The following AFF1 variants were observed in gnomAD, a reference collection of about 807,000 sequenced individuals.
AFF1 encodes ALF transcription elongation factor 1.
AFF1 carries 48 observed loss-of-function variants against 121.7 expected under a neutral mutation model. The ratio of observed to expected loss-of-function variants is 0.39; its 90% CI spans 0.31 to 0.50. AFF1 has a LOEUF of 0.50. AFF1 is among the 20% of genes least tolerant of loss of function. The pLI, the probability that AFF1 is intolerant of heterozygous loss-of-function variation, is 0.76. For missense variants in AFF1, 1,523 were observed against 1,511.7 expected, an observed-to-expected ratio of 1.01 and a Z score of -0.12; for synonymous variants, 613 against 563.0, an observed-to-expected ratio of 1.09 and a Z score of -1.26.
chr4:86,955,327 A>G (rs924649822), intron 2 of AFF1, among the ~76,000 whole-genome samples: 8 of 152,254 alleles, frequency 5.3e-5, no homozygotes, highest in Non-Finnish European at 1.0e-4. Context: ...ACTATCATTA[A>G]CTGAATAAAT....
At chr4:86,984,428 G>C (rs1363999046) in intron 2 of AFF1, among the ~76,000 whole-genome samples, 1 of 150,732 alleles carries the variant, frequency 6.6e-6, no homozygotes, top group Admixed American at 6.7e-5. Context: ...CTGGATTCAA[G>C]CAATTCTGCT....
At chr4:87,064,569 G>A (rs72877984) in intron 4 of AFF1, among the ~76,000 whole-genome samples, 65,875 of 151,968 alleles carry the variant, frequency 0.43, 15,014 homozygotes, top group African/African-American at 0.58. Flanking sequence ...TGGTGAGACT[G>A]TCTCTACAAA....
chr4:87,080,858 A>G (rs936010495), intron 4 of AFF1, among the ~76,000 whole-genome samples: 2 of 152,172 alleles, frequency 1.3e-5, no homozygotes, highest in Middle Eastern at 3.2e-3. Flanking sequence ...GGGTGGCGAG[A>G]AGAGTGAAGA....
intron 4 of AFF1, among the ~76,000 whole-genome samples, chr4:87,080,881 G>T (rs1014441849): frequency 2.6e-5 from 4 of 152,170 alleles, no homozygotes; most frequent in African/African-American, 9.7e-5. Flanking sequence ...TGAGTCTCAG[G>T]TAGATGGAAC....
chr4:87,065,784 A>G (rs1721289974), intron 4 of AFF1, among the ~76,000 whole-genome samples: 1 of 80,758 alleles, frequency 1.2e-5, no homozygotes, highest in Admixed American at 1.1e-4. Flanking sequence ...TTGAGAATTA[A>G]ATTTTGCCCA....
Position 87,033,835 on chromosome 4 carries a change from A to G in AFF1, c.39-12331A>G, listed in dbSNP as rs1288340164. Among the ~76,000 whole-genome samples the G allele has an allele frequency of 2.6e-5, 4 of 152,166 alleles. No individual in the cohort carries two copies. The East Asian group carries it at 7.7e-4, about 29-fold the overall frequency. The stretch of plus-strand genomic sequence containing the variant: ...TGTTATTATTAAATGGTTAACTTCA[A>G]AATTTATTTAAAAAAACTATTGAGT... On this transcript the variant is annotated intron_variant, in intron 2 of 20. Coordinates refer to ENST00000395146, the MANE Select transcript of AFF1 (RefSeq NM_001166693.3).
intron 4 of AFF1, among the ~76,000 whole-genome samples, chr4:87,048,328 A>C (rs1730933866): frequency 6.6e-6 from 1 of 152,176 alleles, no homozygotes. Flanking sequence ...AAAACCAAGA[A>C]AAAAAATATT....
At chr4:86,944,174 G>A (rs980115939) in intron 1 of AFF1, among the ~76,000 whole-genome samples, 2 of 148,426 alleles carry the variant, frequency 1.3e-5, no homozygotes, top group African/African-American at 5.0e-5. Flanking sequence ...GTCTTCCCTA[G>A]TGTGTGGAAT....
intron 4 of AFF1, among the ~76,000 whole-genome samples, chr4:87,071,008 G>A (rs1349290160): frequency 6.6e-6 from 1 of 152,186 alleles, no homozygotes; most frequent in East Asian, 1.9e-4. Flanking sequence ...CAGTGAGAAA[G>A]GAAGAAGAAC....
intron 2 of AFF1, among the ~76,000 whole-genome samples, chr4:86,983,342 C>T (rs894245680): frequency 6.6e-6 from 1 of 152,082 alleles, no homozygotes; most frequent in Non-Finnish European, 1.5e-5. Flanking sequence ...GCCTGACCAA[C>T]ATGGAGAAAC....
intron 4 of AFF1, among the ~76,000 whole-genome samples, chr4:87,050,850 A>C (rs1207350375): frequency 6.6e-6 from 1 of 152,192 alleles, no homozygotes; most frequent in Non-Finnish European, 1.5e-5. Flanking sequence ...CAATTGGAAG[A>C]TTGAGATTTC....
intron 2 of AFF1, among the ~76,000 whole-genome samples, chr4:86,971,590 G>A (rs1438761352): frequency 6.6e-6 from 1 of 152,190 alleles, no homozygotes; most frequent in Admixed American, 6.5e-5. Flanking sequence ...GTAAATTAGA[G>A]TTTGCTTTAT....
intron 2 of AFF1, among the ~76,000 whole-genome samples, chr4:86,957,538 G>A (rs1371995124): frequency 1.3e-5 from 2 of 151,916 alleles, no homozygotes; most frequent in African/African-American, 4.8e-5. Context: ...TTTTTGGTTG[G>A]AAATTTTTTT....
chr4:87,013,389 A>G (rs2149541952), intron 2 of AFF1, among the ~76,000 whole-genome samples: 1 of 152,088 alleles, frequency 6.6e-6, no homozygotes, highest in South Asian at 2.1e-4. Flanking sequence ...TAATTTGGTG[A>G]CAGATTTAAT....
In AFF1 at chr4:87,084,116, T is replaced by C; in HGVS notation, c.1060-4T>C. 6.2e-7 allele frequency: 1 copy of C among 1,613,904 alleles called. No individual in the cohort carries two copies. The highest frequency in any genetic ancestry group is 8.5e-7 in the Non-Finnish European group (1 of 1,179,800). On this transcript the variant is annotated splice_region_variant and splice_polypyrimidine_tract_variant and intron_variant, in intron 4 of 20. Coordinates refer to ENST00000395146, the MANE Select transcript of AFF1 (RefSeq NM_001166693.3). ...ACCTTTTATTTTTTGCTTTTCACTT[T>C]CAGCAGACCTACTCCAATGAAGTCC... is the stretch of plus-strand genomic sequence containing the variant.
chr4:87,130,052 G>A (rs1445096756), intron 16 of AFF1, among the ~76,000 whole-genome samples: 2 of 149,188 alleles, frequency 1.3e-5, no homozygotes, highest in African/African-American at 2.5e-5. Context: ...TCGGCTCACC[G>A]TAACCTCTGC....
At chr4:87,031,176 AC>A (rs1729043145) in intron 2 of AFF1, among the ~76,000 whole-genome samples, 1 of 152,072 alleles carries the variant, frequency 6.6e-6, no homozygotes, top group Non-Finnish European at 1.5e-5. Flanking sequence ...ATGCTTTCGG[AC>A]CCATCCTGTG....
intron 2 of AFF1, among the ~76,000 whole-genome samples, chr4:86,994,126 C>T (rs1411893258): frequency 6.6e-6 from 1 of 152,244 alleles, no homozygotes; most frequent in Non-Finnish European, 1.5e-5. Context: ...TCTAACTCAA[C>T]TGCACACTAA....
At chr4:86,939,875 T>C (rs1397959604) in intron 1 of AFF1, among the ~76,000 whole-genome samples, 2 of 152,226 alleles carry the variant, frequency 1.3e-5, no homozygotes, top group Non-Finnish European at 2.9e-5. Flanking sequence ...GTGGCTGATA[T>C]TGATGCTGTT....
Sources: gnomAD v4.1 joint callset for allele counts (sites outside exome capture counted in the v4.1 genomes callset) on GRCh38, gnomAD v4.1.1 for gene constraint, MANE v1.5 for transcripts, NCBI Gene and HGNC (gene_info 2026-07-23, HGNC 2026-07-21) for gene names.